The following MIER3 variants were observed in gnomAD, a reference collection of about 807,000 sequenced individuals.
MIER3 encodes mesoderm induction early response protein 3.
In MIER3, 9 loss-of-function variants were observed where a neutral mutation model predicts 63.2. That is an observed-to-expected ratio of 0.14 (90% CI 0.09 to 0.25). The LOEUF is 0.25. Among genes scored for constraint, MIER3 ranks in the 10% least tolerant of loss-of-function variants. MIER3 has a pLI of 1.00. For synonymous variants in MIER3, 205 were observed against 224.9 expected, an observed-to-expected ratio of 0.91 and a Z score of 0.79; for missense variants, 512 against 666.2, an observed-to-expected ratio of 0.77 and a Z score of 2.55.
At chr5:56,941,624 G>C (rs1317267796) in intron 3 of MIER3, 2 of 152,300 alleles carry the variant, frequency 1.3e-5, no homozygotes, top group African/African-American at 4.8e-5. Context: ...AAGAGAGGCA[G>C]GGACAGATCG....
intron 8 of MIER3, 128 bp from the exon 9 acceptor site, chr5:56,930,873 T>A: frequency 1.4e-6 from 1 of 736,140 alleles, no homozygotes; most frequent in South Asian, 1.7e-5. Context: ...TTTCAGGGCA[T>A]TTGAAGGTAT....
intron 12 of MIER3, 45 bp from the exon 13 acceptor site, chr5:56,923,630 TCAAA>T (rs1749800139): frequency 6.2e-7 from 1 of 1,612,884 alleles, no homozygotes; most frequent in Non-Finnish European, 8.5e-7. Flanking sequence ...TCCTATGACA[TCAAA>T]CAGAGGACAC....
intron 3 of MIER3, among the ~76,000 whole-genome samples, chr5:56,942,950 C>T (rs1305210567): frequency 6.6e-6 from 1 of 152,062 alleles, no homozygotes; most frequent in East Asian, 1.9e-4. Context: ...GGAGACCAGC[C>T]TGGGCATTGC....
At chr5:56,951,180 C>G (rs975773998) in intron 1 of MIER3, among the ~76,000 whole-genome samples, 3 of 152,146 alleles carry the variant, frequency 2.0e-5, no homozygotes, top group African/African-American at 7.2e-5. Context: ...GCCCCCAAAC[C>G]AAAGCGCGAG....
chr5:56,949,561 T>C (rs921407975), intron 2 of MIER3, among the ~76,000 whole-genome samples: 3 of 152,216 alleles, frequency 2.0e-5, no homozygotes, highest in Non-Finnish European at 2.9e-5. Context: ...TTTAAAGATA[T>C]AGACAGCTAT....
At chr5:56,935,947 C>T (rs752228829) in intron 5 of MIER3, among the ~76,000 whole-genome samples, 196 bp from the exon 6 acceptor site, 9 of 152,054 alleles carry the variant, frequency 5.9e-5, no homozygotes, top group Admixed American at 1.3e-4. Flanking sequence ...GTATCCTGGC[C>T]GGTGCAGTGG....
intron 3 of MIER3, among the ~76,000 whole-genome samples, chr5:56,942,377 G>A (rs75713680): frequency 0.081 from 12,327 of 152,262 alleles, 528 homozygotes; most frequent in East Asian, 0.14. Context: ...TAAGGAGGGG[G>A]ATTATTTGAG....
At chr5:56,944,788 A>T (rs1415046697) in intron 3 of MIER3, among the ~76,000 whole-genome samples, 1 of 152,040 alleles carries the variant, frequency 6.6e-6, no homozygotes, top group Non-Finnish European at 1.5e-5. Flanking sequence ...AACTTCTGGG[A>T]TGATCAAGTG....
At chr5:56,929,008 C>CACACACAT in intron 9 of MIER3, 147 bp from the exon 10 acceptor site, 1 of 513,148 alleles carries the variant, frequency 1.9e-6, no homozygotes, top group Non-Finnish European at 3.4e-6. Context: ...CACACACACT[C>CACACACAT]TCTCTCTCTC....
At chr5:56,928,717 T>C (rs777281490) in intron 10 of MIER3, 50 bp downstream of exon 10, 1 of 1,327,834 alleles carries the variant, frequency 7.5e-7, no homozygotes. Flanking sequence ...AATTAGTTGC[T>C]TACATTCACT....
At chr5:56,943,226 T>A (rs1485001019) in intron 3 of MIER3, among the ~76,000 whole-genome samples, 2 of 151,784 alleles carry the variant, frequency 1.3e-5, no homozygotes, top group Middle Eastern at 3.4e-3. Flanking sequence ...AGTACATACA[T>A]GACTTGAGAC....
intron 10 of MIER3, among the ~76,000 whole-genome samples, chr5:56,925,094 A>C (rs1056418932): frequency 6.6e-6 from 1 of 152,196 alleles, no homozygotes; most frequent in Admixed American, 6.5e-5. Context: ...AGTAAATTTC[A>C]TAAGTCATTA....
At position 56,938,931 on chromosome 5, in the gene MIER3, A is replaced by G. The variant is rs1012819153; in HGVS notation, c.267T>C (p.Ser89=). The G allele has an allele frequency of 1.2e-5, 19 of 1,614,164 alleles. No homozygotes were observed. The highest frequency in any genetic ancestry group is 1.6e-5 in the Non-Finnish European group (19 of 1,180,016). ...IPAVANSSAN[S]SPSELADELP... ...GTTCATCTGCCAGTTCACTTGGGGA[A>G]CTATTTGCACTGGAATTTGCAACTG... The change falls in exon 4 of 13, where the codon AGT becomes AGC. Residue 89 remains serine, a synonymous_variant. Transcript: ENST00000381199.
intron 10 of MIER3, among the ~76,000 whole-genome samples, chr5:56,924,820 C>A (rs1483114847): frequency 1.3e-5 from 2 of 152,176 alleles, no homozygotes; most frequent in African/African-American, 4.8e-5. Context: ...TTAATCAGTA[C>A]CCGATAAAGA....
chr5:56,942,431 G>A (rs1750678122), intron 3 of MIER3, among the ~76,000 whole-genome samples: 1 of 152,216 alleles, frequency 6.6e-6, no homozygotes, highest in African/African-American at 2.4e-5. Context: ...CTTGATACAA[G>A]GAATGAAAGC....
At chr5:56,946,701 C>T (rs891826394) in intron 3 of MIER3, among the ~76,000 whole-genome samples, 7 of 151,860 alleles carry the variant, frequency 4.6e-5, no homozygotes, top group Admixed American at 1.3e-4. Context: ...AAAATGCCTA[C>T]GTGTACCTAC....
intron 5 of MIER3, 85 bp from the exon 6 acceptor site, chr5:56,935,836 T>C (rs1351015575): frequency 4.9e-6 from 5 of 1,015,040 alleles, no homozygotes; most frequent in African/African-American, 4.8e-5. Flanking sequence ...CAAAATGTTG[T>C]TAAATATGTG....
intron 3 of MIER3, among the ~76,000 whole-genome samples, chr5:56,942,270 G>A (rs541937017): frequency 1.3e-5 from 2 of 152,334 alleles, no homozygotes; most frequent in African/African-American, 4.8e-5. Flanking sequence ...ACTTTCAGAT[G>A]TATTACACTA....
intron 4 of MIER3, 105 bp from the exon 5 acceptor site, chr5:56,937,803 TGAGA>T (rs1438010210): frequency 4.5e-6 from 4 of 889,900 alleles, no homozygotes; most frequent in African/African-American, 1.8e-5. Flanking sequence ...TGGAACCTTA[TGAGA>T]GAAATATGAA....
Sources: allele counts gnomAD v4.1 joint callset (sites outside exome capture counted in the v4.1 genomes callset), GRCh38; gene constraint gnomAD v4.1.1; transcripts MANE v1.5; gene names NCBI Gene and HGNC (gene_info 2026-07-23, HGNC 2026-07-21).